Variants in MBTD1 observed in about 807,000 individuals in gnomAD.
MBTD1 encodes mbt domain containing 1, also known as MBT domain-containing protein 1.
A neutral mutation model predicts 87.8 loss-of-function variants in MBTD1; 24 were observed. The ratio of observed to expected loss-of-function variants is 0.27; its 90% CI spans 0.20 to 0.38. MBTD1 has a LOEUF of 0.38. Ranked by LOEUF, MBTD1 falls within the 10% of genes least tolerant of loss-of-function variation. The pLI, the probability that MBTD1 is intolerant of heterozygous loss-of-function variation, is 1.00. For missense variants in MBTD1, 436 were observed against 760.2 expected (o/e 0.57, Z 5.02); for synonymous variants, 237 against 248.6 (o/e 0.95, Z 0.44).
chr17:51,236,536 C>T (rs1034137605), intron 2 of MBTD1, among the ~76,000 whole-genome samples: 2 of 152,138 alleles, frequency 1.3e-5, no homozygotes, highest in Non-Finnish European at 1.5e-5. Context: ...TGAGCTGCTG[C>T]GTCTGGCCTA....
intron 2 of MBTD1, among the ~76,000 whole-genome samples, chr17:51,231,450 T>C (rs1185611651): frequency 6.6e-6 from 1 of 152,182 alleles, no homozygotes; most frequent in Non-Finnish European, 1.5e-5. Flanking sequence ...TATTTTTTTT[T>C]TAAAAGTACC....
upstream of MBTD1, chr17:51,260,534 A>C (rs973925077): frequency 3.2e-6 from 5 of 1,557,238 alleles, no homozygotes; most frequent in African/African-American, 2.7e-5. Context: ...GCCTGGGCGC[A>C]TGCGCAGCGA....
At position 51,192,236 on chromosome 17, in the gene MBTD1, C is replaced by A. The variant is rs1403105828; in HGVS notation, c.1735G>T (p.Ala579Ser). ...TGTCCTTTGTATTGCTGGGACTTAG[C>A]CTTTTTCTTCTGTTTTGATGAAGCT... Reference protein sequence around the residue: ...QSASSKQKKKAKSQQYKGHKK... With the variant: ...QSASSKQKKKSKSQQYKGHKK... Residue 579 changes from alanine (A) to serine (S), a missense_variant, in exon 16 of 17, where the codon GCT becomes TCT. Physicochemically the swap from Ala to Ser is moderately conservative, Grantham distance 99. Around this residue, in one of 5 missense-constraint regions of MBTD1, gnomAD observed 80 missense variants for 182.2 expected, o/e 0.44. Coordinates refer to ENST00000586178, the MANE Select transcript of MBTD1 (RefSeq NM_017643.3). 3 of 1,551,294 alleles carry A rather than the reference C, an allele frequency of 1.9e-6. No individual in the cohort carries two copies. Among genetic ancestry groups the A allele is most frequent in the South Asian group, 2.4e-5 (2 of 84,054 alleles).
In MBTD1 at chr17:51,177,677, AT is replaced by A. The variant is rs1216428386; in HGVS notation, c.*2898del. On this transcript the variant is annotated 3_prime_UTR_variant, in exon 17 of 17. Transcript: ENST00000586178. ...AATAAAAGATTAAATTTGTACAGAT[AT>A]TGATCTATATATCAAATACATACAG... is the stretch of plus-strand genomic sequence containing the variant. The A allele has an allele frequency of 6.6e-6, 1 of 152,164 alleles. No homozygotes were observed. The highest frequency in any genetic ancestry group is 1.9e-4 in the East Asian group (1 of 5,196). 9.4% of individuals were successfully genotyped at this position (152,164 alleles called of 1,614,324 possible). A position where few individuals can be genotyped will look rare whatever the true frequency, so the allele number is the denominator to read the frequency against.
rs1555673738 is a variant in MBTD1 at position 51,179,498 on chromosome 17, A to ATATATATATT, written c.*1077_*1078insAATATATATA. ...TAAAGACAATTTTATATATATATAT[A>ATATATATATT]TATATATATATATATATATATATAT... On this transcript the variant is annotated 3_prime_UTR_variant, in exon 17 of 17. Coordinates refer to ENST00000586178, the MANE Select transcript of MBTD1 (RefSeq NM_017643.3). 141 of 58,400 alleles carry ATATATATATT rather than the reference A, an allele frequency of 2.4e-3. 5 individuals carry two copies. The highest frequency in any genetic ancestry group is 4.5e-3 in the Non-Finnish European group (115 of 25,280). The allele number at this position is 58,400 out of a possible 1,614,324, so 3.6% of individuals were successfully genotyped here. A position where few individuals can be genotyped will look rare whatever the true frequency, so the allele number is the denominator to read the frequency against.
At chr17:51,190,857 G>C (rs564468306) in intron 16 of MBTD1, among the ~76,000 whole-genome samples, 17 of 150,322 alleles carry the variant, frequency 1.1e-4, no homozygotes, top group African/African-American at 4.2e-4. Context: ...GAGGTGGGCA[G>C]AGTGCTTGAG....
chr17:51,238,199 G>T (rs1476434300), intron 2 of MBTD1, among the ~76,000 whole-genome samples: 1 of 152,114 alleles, frequency 6.6e-6, no homozygotes, highest in Non-Finnish European at 1.5e-5. Context: ...GTACACCTAT[G>T]TTTCTGTGCA....
intron 1 of MBTD1, among the ~76,000 whole-genome samples, chr17:51,259,522 G>A (rs2055326680): frequency 6.6e-6 from 1 of 152,136 alleles, no homozygotes; most frequent in Admixed American, 6.5e-5. Flanking sequence ...CTCGGATCCA[G>A]CCTTTCCCCC....
chr17:51,230,987 G>A (rs535859703), intron 2 of MBTD1, among the ~76,000 whole-genome samples: 2 of 152,216 alleles, frequency 1.3e-5, no homozygotes, highest in South Asian at 4.2e-4. Context: ...GCCCAGGTTG[G>A]AGTGCAGTGG....
chr17:51,181,017 C>T (rs545716745), intron 16 of MBTD1, among the ~76,000 whole-genome samples: 1 of 140,078 alleles, frequency 7.1e-6, no homozygotes, highest in African/African-American at 2.7e-5. Flanking sequence ...TTCTGAAGTA[C>T]AATCTTTTTT....
intron 16 of MBTD1, among the ~76,000 whole-genome samples, chr17:51,187,743 G>A (rs935859863): frequency 2.6e-5 from 4 of 151,946 alleles, no homozygotes; most frequent in African/African-American, 9.7e-5. Context: ...CCACTACTTG[G>A]GAGGCTGAAG....
At chr17:51,216,403 A>G (rs2052572265) in intron 6 of MBTD1, among the ~76,000 whole-genome samples, 1 of 152,258 alleles carries the variant, frequency 6.6e-6, no homozygotes, top group Non-Finnish European at 1.5e-5. Flanking sequence ...AAGGAATAAA[A>G]TAATCAAAAG....
rs1568135706 is a variant in MBTD1, at chr17:51,179,496, A to ATATATATTTATATT, written c.*1079_*1080insAATATAAATATATA. On this transcript the variant is annotated 3_prime_UTR_variant, in exon 17 of 17. Coordinates refer to ENST00000586178, the MANE Select transcript of MBTD1 (RefSeq NM_017643.3). Reference sequence around the variant, plus strand: ...ATTAAAGACAATTTTATATATATATATATATATATATATATATATATATAT... The same window carrying ATATATATTTATATT: ...ATTAAAGACAATTTTATATATATATATATATATTTATATTTATATATATATATATATATATATAT... The ATATATATTTATATT allele has an allele frequency of 5.6e-5, 3 of 53,106 alleles. 1 individual carries two copies. Among genetic ancestry groups the ATATATATTTATATT allele is most frequent in the African/African-American group, 2.3e-4 (3 of 13,134 alleles). 3.3% of individuals were successfully genotyped at this position (53,106 alleles called of 1,614,324 possible). A position where few individuals can be genotyped will look rare whatever the true frequency, so the allele number is the denominator to read the frequency against.
chr17:51,209,250 G>T, intron 6 of MBTD1: 1 of 398,398 alleles, frequency 2.5e-6, no homozygotes, highest in South Asian at 1.9e-5. Flanking sequence ...GGATACCTCT[G>T]AAAGTCTGGA....
chr17:51,198,947 T>G (rs2051300475), intron 12 of MBTD1, among the ~76,000 whole-genome samples: 1 of 151,964 alleles, frequency 6.6e-6, no homozygotes, highest in Non-Finnish European at 1.5e-5. Flanking sequence ...GGATTATAGG[T>G]ACACACCACC....
At position 51,179,811 on chromosome 17, in the gene MBTD1, T is replaced by C. The variant is rs2144938034; in HGVS notation, c.*765A>G. 1 of 152,112 alleles carries C rather than the reference T, an allele frequency of 6.6e-6. No homozygotes were observed. Among genetic ancestry groups the C allele is most frequent in the African/African-American group, 2.4e-5 (1 of 41,520 alleles). 9.4% of individuals were successfully genotyped at this position (152,112 alleles called of 1,614,324 possible). A position where few individuals can be genotyped will look rare whatever the true frequency, so the allele number is the denominator to read the frequency against. ...AATAAACTAAGGACAACATTACATT[T>C]TCCCCAACCCCTCAATGTGTAGACT... is the stretch of plus-strand genomic sequence containing the variant. On this transcript the variant is annotated 3_prime_UTR_variant, in exon 17 of 17. Coordinates refer to ENST00000586178, the MANE Select transcript of MBTD1 (RefSeq NM_017643.3).
intron 12 of MBTD1, among the ~76,000 whole-genome samples, chr17:51,195,883 C>T (rs961109120): frequency 2.0e-5 from 3 of 152,142 alleles, no homozygotes; most frequent in African/African-American, 7.2e-5. Context: ...CATTTCTTCA[C>T]GCCTCAGAGA....
intron 2 of MBTD1, among the ~76,000 whole-genome samples, chr17:51,238,459 A>C (rs2053976886): frequency 6.6e-6 from 1 of 152,216 alleles, no homozygotes; most frequent in African/African-American, 2.4e-5. Context: ...TACAGCACAG[A>C]GGTAACGAGA....
chr17:51,242,672 G>C (rs1443354675), intron 2 of MBTD1, among the ~76,000 whole-genome samples: 1 of 152,116 alleles, frequency 6.6e-6, no homozygotes, highest in Admixed American at 6.5e-5. Flanking sequence ...TATACAAATA[G>C]GTGTAACTCA....
Sources: allele counts gnomAD v4.1 joint callset (sites outside exome capture counted in the v4.1 genomes callset), GRCh38; gene constraint gnomAD v4.1.1; regional missense constraint gnomAD v4.1.1; transcripts MANE v1.5; gene names NCBI Gene and HGNC (gene_info 2026-07-23, HGNC 2026-07-21).